SDK1: variants seen among roughly 807,000 people sequenced by gnomAD.
The protein encoded by SDK1 is sidekick cell adhesion molecule 1, also known as protein sidekick-1.
SDK1 carries 157 observed loss-of-function variants against 245.5 expected under a neutral mutation model. The ratio of observed to expected loss-of-function variants is 0.64; its 90% CI spans 0.56 to 0.73. The LOEUF is 0.73. Ranked by LOEUF, SDK1 falls within the 30% of genes least tolerant of loss-of-function variation. The pLI, the probability that SDK1 is intolerant of heterozygous loss-of-function variation, is 0.00. For synonymous variants in SDK1, 1,647 were observed against 1,278.5 expected, an observed-to-expected ratio of 1.29 and a Z score of -6.15; for missense variants, 3,583 against 3,002.3, an observed-to-expected ratio of 1.19 and a Z score of -4.52.
At chr7:3,700,320 T>A (rs1002580753) in intron 4 of SDK1, among the ~76,000 whole-genome samples, 2 of 152,192 alleles carry the variant, frequency 1.3e-5, no homozygotes, top group African/African-American at 4.8e-5. Flanking sequence ...TTTCTTTTCC[T>A]TTTGAGTTGT....
At chr7:3,702,490 C>G (rs1290569567) in intron 4 of SDK1, among the ~76,000 whole-genome samples, 2 of 152,198 alleles carry the variant, frequency 1.3e-5, no homozygotes, top group African/African-American at 4.8e-5. Flanking sequence ...CCCTCTCCCC[C>G]TCCACATTAG....
intron 4 of SDK1, among the ~76,000 whole-genome samples, chr7:3,804,559 C>A (rs1355082725): frequency 2.0e-5 from 3 of 152,082 alleles, no homozygotes; most frequent in Admixed American, 1.3e-4. Flanking sequence ...AATTCTTCTG[C>A]CTTTACATAT....
intron 1 of SDK1, among the ~76,000 whole-genome samples, chr7:3,321,513 T>A (rs1242846901): frequency 6.6e-6 from 1 of 152,232 alleles, no homozygotes; most frequent in Non-Finnish European, 1.5e-5. Context: ...ACTGAGTCGC[T>A]ATAAAAATCA....
chr7:3,306,006 C>A (rs542170930), intron 1 of SDK1, among the ~76,000 whole-genome samples: 33 of 152,104 alleles, frequency 2.2e-4, no homozygotes, highest in Admixed American at 3.9e-4. Flanking sequence ...AAAGTCTGAT[C>A]CAGAGTCTGA....
chr7:3,873,752 TA>T (rs1365005287), intron 5 of SDK1, among the ~76,000 whole-genome samples: 2 of 152,192 alleles, frequency 1.3e-5, no homozygotes, highest in Non-Finnish European at 2.9e-5. Context: ...TTAATCTAAA[TA>T]CTGTTTTTCT....
At chr7:3,400,543 A>G (rs191984071) in intron 1 of SDK1, among the ~76,000 whole-genome samples, 139 of 152,304 alleles carry the variant, frequency 9.1e-4, no homozygotes, top group African/African-American at 3.2e-3. Flanking sequence ...ATAAATACAT[A>G]AAAATATACA....
chr7:4,099,630 C>G (rs1200319320), intron 22 of SDK1, among the ~76,000 whole-genome samples: 1 of 135,966 alleles, frequency 7.4e-6, no homozygotes, highest in Admixed American at 8.4e-5. Flanking sequence ...CTTGCTGTCT[C>G]TGGGAACTGG....
At chr7:3,530,180 T>G (rs1783295116) in intron 1 of SDK1, among the ~76,000 whole-genome samples, 2 of 152,300 alleles carry the variant, frequency 1.3e-5, no homozygotes, top group South Asian at 4.1e-4. Context: ...AAAATAGCAG[T>G]GAGTTTATTT....
chr7:3,313,377 A>C (rs1410916515), intron 1 of SDK1, among the ~76,000 whole-genome samples: 1 of 152,232 alleles, frequency 6.6e-6, no homozygotes, highest in Non-Finnish European at 1.5e-5. Context: ...ATTGTATTCC[A>C]GCCTGGCGAC....
chr7:4,139,617 G>GTATA (rs1159062563), intron 28 of SDK1, among the ~76,000 whole-genome samples: 4 of 50,554 alleles, frequency 7.9e-5, no homozygotes, highest in East Asian at 1.0e-3. Context: ...GTGTGTATAT[G>GTATA]TGTGTGTGTA....
chr7:3,376,787 G>A (rs1250376688), intron 1 of SDK1, among the ~76,000 whole-genome samples: 2 of 151,948 alleles, frequency 1.3e-5, no homozygotes, highest in Non-Finnish European at 2.9e-5. Flanking sequence ...ACAGAAAGAT[G>A]TGTATACTGT....
chr7:4,196,075 G>A (rs1305912545), intron 35 of SDK1, among the ~76,000 whole-genome samples: 4 of 152,148 alleles, frequency 2.6e-5, no homozygotes, highest in Admixed American at 6.5e-5. Context: ...TGGAAGTATC[G>A]TTATGTCCAA....
At chr7:4,042,936 G>C (rs184971569) in intron 17 of SDK1, among the ~76,000 whole-genome samples, 1 of 152,214 alleles carries the variant, frequency 6.6e-6, no homozygotes, top group East Asian at 1.9e-4. Context: ...AAGAGAAGCC[G>C]AAGACCTGGG....
intron 4 of SDK1, among the ~76,000 whole-genome samples, chr7:3,752,804 G>T (rs1326297883): frequency 2.0e-5 from 3 of 152,076 alleles, no homozygotes; most frequent in African/African-American, 7.2e-5. Flanking sequence ...ATGCTTATTT[G>T]TTATTTCTCT....
chr7:3,478,563 A>G (rs1300817149), intron 1 of SDK1, among the ~76,000 whole-genome samples: 1 of 152,030 alleles, frequency 6.6e-6, no homozygotes, highest in Admixed American at 6.5e-5. Context: ...TTTTATGTGT[A>G]TCTATAAGTC....
chr7:3,610,377 C>G (rs1781551389), intron 1 of SDK1, among the ~76,000 whole-genome samples: 1 of 152,152 alleles, frequency 6.6e-6, no homozygotes, highest in Admixed American at 6.5e-5. Flanking sequence ...GTGCCATATT[C>G]AAGAATAATG....
At position 3,700,296 on chromosome 7, in the gene SDK1, T is replaced by C. The variant is rs555441510; in HGVS notation, c.713+58191T>C. ...AAAAAGAACAGAAAAAGCAGAAATA[T>C]AGATAAATAGACTTTTCTTTTCCTT... On this transcript the variant is annotated intron_variant, in intron 4 of 44. Transcript: ENST00000404826. Among the ~76,000 whole-genome samples, 4 of 152,314 alleles carry C rather than the reference T, an allele frequency of 2.6e-5. No individual in the cohort carries two copies. The East Asian group carries it at 5.8e-4, about 22-fold the overall frequency.
At chr7:3,910,272 G>C (rs879618237) in intron 5 of SDK1, among the ~76,000 whole-genome samples, 1 of 152,196 alleles carries the variant, frequency 6.6e-6, no homozygotes, top group Non-Finnish European at 1.5e-5. Context: ...AGATTATTCT[G>C]CTGTGCTGCC....
chr7:3,847,542 G>C (rs1382531721), intron 5 of SDK1, among the ~76,000 whole-genome samples: 1 of 152,246 alleles, frequency 6.6e-6, no homozygotes, highest in Admixed American at 6.5e-5. Flanking sequence ...GGATTGCAAA[G>C]CCGGCCTTCC....
Sources: allele counts gnomAD v4.1 joint callset (sites outside exome capture counted in the v4.1 genomes callset), GRCh38; gene constraint gnomAD v4.1.1; transcripts MANE v1.5; gene names NCBI Gene and HGNC (gene_info 2026-07-23, HGNC 2026-07-21).